LTBP1: variants seen among roughly 807,000 people sequenced by gnomAD.
LTBP1 encodes latent transforming growth factor beta binding protein 1, also known as latent-transforming growth factor beta-binding protein 1.
A neutral mutation model predicts 207.6 loss-of-function variants in LTBP1; 129 were observed. That is an observed-to-expected ratio of 0.62 (90% CI 0.54 to 0.72). LTBP1 has a LOEUF of 0.72. Ranked by LOEUF, LTBP1 falls within the 30% of genes least tolerant of loss-of-function variation. The probability of loss-of-function intolerance (pLI) is 0.00; values close to 1 mark genes in which losing one functional copy is unlikely to be tolerated. For synonymous variants in LTBP1, 963 were observed against 833.7 expected (o/e 1.16, Z -2.67); for missense variants, 2,281 against 2,217.2 (o/e 1.03, Z -0.58).
chr2:33,012,206 G>T (rs1687765288), intron 2 of LTBP1, among the ~76,000 whole-genome samples: 1 of 148,488 alleles, frequency 6.7e-6, no homozygotes, highest in Non-Finnish European at 1.5e-5. Context: ...TTGTCACTCA[G>T]TATTTTGTTG....
At chr2:33,140,697 T>G (rs1403979961) in intron 5 of LTBP1, among the ~76,000 whole-genome samples, 1 of 151,340 alleles carries the variant, frequency 6.6e-6, no homozygotes, top group Non-Finnish European at 1.5e-5. Flanking sequence ...GATAGAGTTT[T>G]GCTCTTGTTG....
At chr2:33,262,951 A>G (rs2093060470) in intron 14 of LTBP1, 130 bp downstream of exon 14, 2 of 574,424 alleles carry the variant, frequency 3.5e-6, no homozygotes, top group Admixed American at 6.7e-5. Context: ...TAAGTATAGT[A>G]ATATACTTAT....
chr2:33,042,907 C>G (rs901826484), intron 3 of LTBP1, among the ~76,000 whole-genome samples: 1 of 152,210 alleles, frequency 6.6e-6, no homozygotes, highest in African/African-American at 2.4e-5. Flanking sequence ...TGCCTCCTGT[C>G]TCTGACTTGC....
chr2:32,973,988 A>G (rs1172054763), intron 2 of LTBP1, among the ~76,000 whole-genome samples: 1 of 152,036 alleles, frequency 6.6e-6, no homozygotes, highest in Non-Finnish European at 1.5e-5. Context: ...CATTTTCTTT[A>G]TCCATTCATC....
intron 2 of LTBP1, among the ~76,000 whole-genome samples, chr2:33,006,815 T>C (rs1686960085): frequency 6.6e-6 from 1 of 152,034 alleles, no homozygotes; most frequent in African/African-American, 2.4e-5. Flanking sequence ...TTTCTGAAAA[T>C]AGTTATACCA....
chr2:33,067,044 T>TGG (rs2077545806), intron 3 of LTBP1, among the ~76,000 whole-genome samples: 1 of 152,148 alleles, frequency 6.6e-6, no homozygotes, highest in Non-Finnish European at 1.5e-5. Context: ...CATGGTGGCA[T>TGG]GCCTGTAGTC....
chr2:33,352,091 A>T lies in LTBP1; in HGVS notation c.4000+4581A>T, dbSNP rs74669791. 3.2e-3 allele frequency among the ~76,000 whole-genome samples: 484 copies of T among 152,140 alleles called. 1 individual carries two copies. Among genetic ancestry groups the T allele is most frequent in the African/African-American group, 0.011 (458 of 41,500 alleles). ...CTCTGGCTGACAGTTATTCAAACCT[A>T]AATTAATCACCATTTCCTCTCCTTG... On this transcript the variant is annotated intron_variant, in intron 26 of 33. Coordinates refer to ENST00000404816, the MANE Select transcript of LTBP1 (RefSeq NM_206943.4).
At chr2:33,053,893 G>T (rs2076864591) in intron 3 of LTBP1, among the ~76,000 whole-genome samples, 1 of 152,156 alleles carries the variant, frequency 6.6e-6, no homozygotes, top group African/African-American at 2.4e-5. Flanking sequence ...ACATATTGAA[G>T]GACCAGAGTG....
At position 33,301,581 on chromosome 2, in the gene LTBP1, G is replaced by C. The variant is rs750811131; in HGVS notation, c.3418G>C (p.Gly1140Arg). ...TCATGGGCAGTGCAGGAACACTGAG[G>C]GCTCTTTTCAATGTGTGTGTGACCA... ...CAHGQCRNTE[G>R]SFQCVCDQGY... Residue 1140 changes from glycine (G) to arginine (R), a missense_variant, in exon 22 of 34, where the codon GGC (glycine) becomes CGC (arginine). Gly to Arg is a moderately radical substitution (Grantham distance 125). Transcript: ENST00000404816. 6.2e-7 allele frequency: 1 copy of C among 1,613,188 alleles called. No homozygotes were observed. The highest frequency in any genetic ancestry group is 2.2e-5 in the East Asian group (1 of 44,850).
chr2:33,374,264 T>A (rs1383371405), intron 31 of LTBP1, among the ~76,000 whole-genome samples: 2 of 152,216 alleles, frequency 1.3e-5, no homozygotes, highest in African/African-American at 4.8e-5. Flanking sequence ...GTCACTGCCT[T>A]TGGTTTAGGC....
chr2:33,148,888 C>T (rs1441669211), intron 5 of LTBP1, among the ~76,000 whole-genome samples: 3 of 152,158 alleles, frequency 2.0e-5, no homozygotes, highest in East Asian at 1.9e-4. Flanking sequence ...GGGTGGAGGC[C>T]GGGGATGCTG....
chr2:33,358,882 T>C (rs756200962), intron 26 of LTBP1, among the ~76,000 whole-genome samples: 1 of 152,180 alleles, frequency 6.6e-6, no homozygotes, highest in Non-Finnish European at 1.5e-5. Context: ...AGTAATTCCA[T>C]GTCTAAGAGC....
intron 24 of LTBP1, among the ~76,000 whole-genome samples, chr2:33,332,686 A>G (rs2094510362): frequency 6.6e-6 from 1 of 151,792 alleles, no homozygotes; most frequent in African/African-American, 2.4e-5. Context: ...CCTCCCAAGT[A>G]GCTGGGACTA....
chr2:33,265,642 A>C (rs1477562728), intron 15 of LTBP1, among the ~76,000 whole-genome samples: 1 of 152,210 alleles, frequency 6.6e-6, no homozygotes. Flanking sequence ...TTTTAAAGAC[A>C]TATATACACT....
chr2:33,240,499 C>T (rs1204421523), intron 9 of LTBP1, among the ~76,000 whole-genome samples: 1 of 152,170 alleles, frequency 6.6e-6, no homozygotes, highest in Non-Finnish European at 1.5e-5. Flanking sequence ...TAGGAAAAAT[C>T]ACTTAGGCAG....
At chr2:33,327,335 G>A (rs771861037) in intron 24 of LTBP1, among the ~76,000 whole-genome samples, 4 of 152,112 alleles carry the variant, frequency 2.6e-5, no homozygotes, top group Non-Finnish European at 4.4e-5. Flanking sequence ...TACTAGGATT[G>A]CATTCTCTTC....
At chr2:33,052,229 C>G (rs1292611137) in intron 3 of LTBP1, among the ~76,000 whole-genome samples, 1 of 152,192 alleles carries the variant, frequency 6.6e-6, no homozygotes, top group Non-Finnish European at 1.5e-5. Flanking sequence ...CTCTCTCATT[C>G]CAAAGTTTAC....
At chr2:33,340,269 A>G (rs1203391351) in intron 24 of LTBP1, among the ~76,000 whole-genome samples, 3 of 151,620 alleles carry the variant, frequency 2.0e-5, no homozygotes, top group Non-Finnish European at 4.4e-5. Flanking sequence ...AAAAAAAAAA[A>G]AAAAAAAAAA....
intron 3 of LTBP1, among the ~76,000 whole-genome samples, chr2:33,065,070 A>G (rs573117716): frequency 8.5e-5 from 13 of 152,274 alleles, no homozygotes; most frequent in African/African-American, 3.1e-4. Flanking sequence ...AAATGAGGAA[A>G]TTATCTTATA....
Sources: allele counts gnomAD v4.1 joint callset (sites outside exome capture counted in the v4.1 genomes callset), GRCh38; gene constraint gnomAD v4.1.1; transcripts MANE v1.5; gene names NCBI Gene and HGNC (gene_info 2026-07-23, HGNC 2026-07-21).